Variants in UBTD2 observed in about 807,000 individuals in gnomAD.
UBTD2 encodes the protein ubiquitin domain-containing protein 2.
In UBTD2, 9 loss-of-function variants were observed where a neutral mutation model predicts 19.8. The observed-to-expected ratio is 0.46, with a 90% CI of 0.27 to 0.79. The LOEUF (loss-of-function observed/expected upper bound fraction) is 0.79. Ranked by LOEUF, UBTD2 falls within the 30% of genes least tolerant of loss-of-function variation. The pLI is 0.14. For missense variants in UBTD2, 250 were observed against 300.4 expected (o/e 0.83, Z 1.24); for synonymous variants, 98 against 103.9 (o/e 0.94, Z 0.35).
chr5:172,258,519 TTA>T (rs1755205034), intron 1 of UBTD2, among the ~76,000 whole-genome samples: 1 of 152,180 alleles, frequency 6.6e-6, no homozygotes, highest in South Asian at 2.1e-4. Context: ...GTGAAAAATG[TTA>T]TAGTTTGACA....
At chr5:172,239,269 C>T (rs1772075293) in intron 1 of UBTD2, among the ~76,000 whole-genome samples, 1 of 152,144 alleles carries the variant, frequency 6.6e-6, no homozygotes, top group African/African-American at 2.4e-5. Context: ...TCACCCCGTA[C>T]TAGAACACAC....
Position 172,283,464 on chromosome 5 carries a change from G to T in UBTD2, c.70+132C>A. On this transcript the variant is annotated intron_variant, in intron 1 of 2. Coordinates refer to ENST00000393792, the MANE Select transcript of UBTD2 (RefSeq NM_152277.3). The surrounding 1 kb of genome is among the most constrained non-coding windows in gnomAD (Gnocchi z 4.3). ...CTGGCAGGACAGCCGGAAGCGGAGC[G>T]CGGGGAATGACGTGGAAGAGGGGAT... 1.5e-6 allele frequency: 1 copy of T among 663,608 alleles called. No individual in the cohort carries two copies. Among genetic ancestry groups the T allele is most frequent in the Non-Finnish European group, 2.1e-6 (1 of 478,348 alleles). 41.1% of individuals were successfully genotyped at this position (663,608 alleles called of 1,614,324 possible).
At chr5:172,246,136 AG>A (rs1405931839) in intron 1 of UBTD2, among the ~76,000 whole-genome samples, 3 of 152,234 alleles carry the variant, frequency 2.0e-5, no homozygotes, top group African/African-American at 7.2e-5. Flanking sequence ...GTGGGGTGGG[AG>A]AGGAAAGGGA....
chr5:172,253,274 T>C (rs1340056826), intron 1 of UBTD2, among the ~76,000 whole-genome samples: 1 of 152,154 alleles, frequency 6.6e-6, no homozygotes, highest in Non-Finnish European at 1.5e-5. Context: ...TTAAGTGCAA[T>C]GTTCAGAAAG....
At chr5:172,248,716 T>C (rs1421250604) in intron 1 of UBTD2, among the ~76,000 whole-genome samples, 2 of 150,542 alleles carry the variant, frequency 1.3e-5, no homozygotes, top group African/African-American at 2.5e-5. Flanking sequence ...GAGCTGAGAA[T>C]GCACCACTGT....
chr5:172,213,396 T>G (rs1771486512), intron 2 of UBTD2, among the ~76,000 whole-genome samples: 1 of 152,242 alleles, frequency 6.6e-6, no homozygotes, highest in Admixed American at 6.5e-5. Flanking sequence ...TCATTGCTTA[T>G]CTATGAGTCT....
chr5:172,262,287 T>C (rs1755284161), intron 1 of UBTD2, among the ~76,000 whole-genome samples: 1 of 150,842 alleles, frequency 6.6e-6, no homozygotes, highest in African/African-American at 2.4e-5. Context: ...CCATCTCTAC[T>C]AAAAATACAA....
Position 172,283,707 on chromosome 5 carries a change from C to T in UBTD2, c.-42G>A, listed in dbSNP as rs1755773403. 8.3e-7 allele frequency: 1 copy of T among 1,201,664 alleles called. No individual in the cohort carries two copies. Among genetic ancestry groups the T allele is most frequent in the East Asian group, 3.4e-5 (1 of 29,302 alleles). The allele number at this position is 1,201,664 out of a possible 1,614,324, so 74.4% of individuals were successfully genotyped here. A position where few individuals can be genotyped will look rare whatever the true frequency, so the allele number is the denominator to read the frequency against. On this transcript the variant is annotated 5_prime_UTR_variant, in exon 1 of 3. Coordinates refer to ENST00000393792, the MANE Select transcript of UBTD2 (RefSeq NM_152277.3). The surrounding 1 kb of genome is among the most constrained non-coding windows in gnomAD (Gnocchi z 4.3). The stretch of plus-strand genomic sequence containing the variant: ...TCGTCCGCCACCTCCGGACGCTCGT[C>T]CGGGCCCGCCGCCGCCGCCGCTGCA...
chr5:172,242,148 C>T (rs1772143313), intron 1 of UBTD2, among the ~76,000 whole-genome samples: 1 of 152,174 alleles, frequency 6.6e-6, no homozygotes, highest in Admixed American at 6.6e-5. Flanking sequence ...CTCCCTGAGG[C>T]CCTCAACAGG....
chr5:172,226,289 T>C (rs562938772), intron 2 of UBTD2, among the ~76,000 whole-genome samples: 2 of 151,594 alleles, frequency 1.3e-5, no homozygotes, highest in South Asian at 4.2e-4. Context: ...TAGAGGGACA[T>C]AAGACTCCAG....
chr5:172,240,604 A>G (rs1772108393), intron 1 of UBTD2, among the ~76,000 whole-genome samples: 1 of 152,190 alleles, frequency 6.6e-6, no homozygotes, highest in African/African-American at 2.4e-5. Context: ...CACCTACCGC[A>G]ACATAGTATG....
chr5:172,279,918 ACGGTG>A (rs1755675127), intron 1 of UBTD2, among the ~76,000 whole-genome samples: 1 of 151,878 alleles, frequency 6.6e-6, no homozygotes, highest in Non-Finnish European at 1.5e-5. Flanking sequence ...CCTGACCAAC[ACGGTG>A]AAACCCCATC....
intron 2 of UBTD2, among the ~76,000 whole-genome samples, chr5:172,227,695 C>CTTTTT (rs1164255222): frequency 8.3e-5 from 6 of 72,164 alleles, no homozygotes; most frequent in Non-Finnish European, 1.2e-4. Context: ...ATGAAAAATT[C>CTTTTT]TTTTTTTTTT....
intron 1 of UBTD2, among the ~76,000 whole-genome samples, chr5:172,262,978 C>G (rs926737823): frequency 5.2e-4 from 79 of 152,192 alleles, no homozygotes; most frequent in African/African-American, 1.8e-3. Flanking sequence ...TGCTCTGTCA[C>G]CTAGAGTGGA....
chr5:172,258,313 A>G (rs1755200805), intron 1 of UBTD2, among the ~76,000 whole-genome samples: 1 of 152,056 alleles, frequency 6.6e-6, no homozygotes, highest in Non-Finnish European at 1.5e-5. Context: ...GTGTGACTTT[A>G]TTTCTGGGTT....
chr5:172,254,842 T>G, intron 1 of UBTD2: 1 of 544,870 alleles, frequency 1.8e-6, no homozygotes, highest in Non-Finnish European at 3.4e-6. Flanking sequence ...GTACAGGATT[T>G]TCTTATGATT....
intron 2 of UBTD2, among the ~76,000 whole-genome samples, chr5:172,227,370 A>G (rs1266163947): frequency 6.6e-6 from 1 of 152,192 alleles, no homozygotes; most frequent in Non-Finnish European, 1.5e-5. Flanking sequence ...GAAAAATGAT[A>G]TAACATTTAT....
At chr5:172,222,695 C>T (rs185804098) in intron 2 of UBTD2, among the ~76,000 whole-genome samples, 5 of 152,046 alleles carry the variant, frequency 3.3e-5, no homozygotes, top group African/African-American at 7.2e-5. Flanking sequence ...AGAAATGATA[C>T]GGAAATAAGA....
chr5:172,230,300 C>A (rs1227770713), intron 2 of UBTD2, among the ~76,000 whole-genome samples: 2 of 152,032 alleles, frequency 1.3e-5, no homozygotes, highest in East Asian at 3.8e-4. Context: ...GTTCTCCAGC[C>A]TGGGTGACAA....
Sources: allele counts gnomAD v4.1 joint callset (sites outside exome capture counted in the v4.1 genomes callset), GRCh38; gene constraint gnomAD v4.1.1; non-coding constraint Gnocchi (gnomAD v3.1); transcripts MANE v1.5; gene names NCBI Gene and HGNC (gene_info 2026-07-23, HGNC 2026-07-21).